Variants in STK36 observed in about 807,000 individuals in gnomAD.
The protein encoded by STK36 is serine/threonine-protein kinase 36.
STK36 carries 116 observed loss-of-function variants against 142.2 expected under a neutral mutation model. That is an observed-to-expected ratio of 0.82 (90% CI 0.70 to 0.95). The LOEUF (loss-of-function observed/expected upper bound fraction) is 0.95, where lower values mean the gene tolerates loss of function less well. Ranked by LOEUF, STK36 falls within the 40% of genes least tolerant of loss-of-function variation. STK36 has a pLI of 0.00. For missense variants in STK36, 1,422 were observed against 1,617.2 expected, an observed-to-expected ratio of 0.88 and a Z score of 2.07; for synonymous variants, 619 against 641.7, an observed-to-expected ratio of 0.96 and a Z score of 0.53.
At chr2:218,680,251 T>C (rs1009590823) in intron 9 of STK36, among the ~76,000 whole-genome samples, 171 bp downstream of exon 9, 4 of 152,192 alleles carry the variant, frequency 2.6e-5, no homozygotes, top group Admixed American at 2.6e-4. Flanking sequence ...GTTTTTCTGA[T>C]TCATCAGGAA....
rs1485730518 is a variant in STK36 at position 218,698,793 on chromosome 2, T to C, written c.3249T>C (p.Ser1083=). ...DQPLLTSDLL[S]LLAHTARVLS... ...CACTGTTGACCTCCGACCTTCTCTC[T>C]CTGCTGGCCCATACTGCCAGGGTCC... The change falls in exon 26 of 27, where the codon TCT becomes TCC. Residue 1083 remains serine, a synonymous_variant. Coordinates refer to ENST00000295709, the MANE Select transcript of STK36 (RefSeq NM_015690.5). 1 of 1,614,220 alleles carries C rather than the reference T, an allele frequency of 6.2e-7. No homozygotes were observed. The highest frequency in any genetic ancestry group is 1.3e-5 in the African/African-American group (1 of 75,068).
At position 218,679,913 on chromosome 2, in the gene STK36, T is replaced by C. The variant is rs780430202; in HGVS notation, c.969T>C (p.Pro323=). The change falls in exon 9 of 27, where the codon CCT becomes CCC. Residue 323 remains proline (P), a synonymous_variant. Coordinates refer to ENST00000295709, the MANE Select transcript of STK36 (RefSeq NM_015690.5). ...AMQKKHQNTG[P]ALEQEDKTSK... ...CACAGAAACATCAGAACACAGGACC[T>C]GCCCTTGAGCAAGAGGACAAGACCA... 19 of 1,613,932 alleles carry C rather than the reference T, an allele frequency of 1.2e-5. No homozygotes were observed. Among genetic ancestry groups the C allele is most frequent in the East Asian group, 2.2e-5 (1 of 44,898 alleles).
intron 26 of STK36, among the ~76,000 whole-genome samples, chr2:218,700,528 A>C (rs1035194324): frequency 2.0e-5 from 3 of 151,556 alleles, no homozygotes; most frequent in East Asian, 4.0e-4. Context: ...CAGCCTCCCA[A>C]GTAGCTGGGA....
intron 10 of STK36, among the ~76,000 whole-genome samples, chr2:218,684,496 C>T (rs1940690924): frequency 7.4e-6 from 1 of 134,806 alleles, no homozygotes; most frequent in Non-Finnish European, 1.5e-5. Context: ...TCTCGGCTCA[C>T]TGCAAACTCT....
intron 22 of STK36, 200 bp downstream of exon 22, chr2:218,696,801 C>T (rs1941249845): frequency 2.2e-6 from 2 of 895,030 alleles, no homozygotes; most frequent in South Asian, 2.6e-5. Flanking sequence ...CCCTGGGATC[C>T]AGTGGGAGAT....
In STK36 at chr2:218,689,876, C is replaced by T. The variant is rs1479228520; in HGVS notation, c.1578C>T (p.Thr526=). 1.2e-6 allele frequency: 2 copies of T among 1,610,222 alleles called. No homozygotes were observed. Among genetic ancestry groups the T allele is most frequent in the South Asian group, 2.2e-5 (2 of 89,984 alleles). ...NSLQQQSWYG[T]FLQDLMAVIQ... ...CTGGGCAGCAATCTTGGTATGGGAC[C>T]TTCTTACAGGACCTGATGGCTGTGA... Residue 526 remains threonine (T), a synonymous_variant, in exon 13 of 27, where the codon ACC becomes ACT. Transcript: ENST00000295709.
At position 218,675,342 on chromosome 2, in the gene STK36, G is replaced by A; in HGVS notation, c.304-1G>A. On this transcript the variant is annotated splice_acceptor_variant, in intron 4 of 26. Transcript: ENST00000295709. LOFTEE classifies it high-confidence loss of function. The stretch of plus-strand genomic sequence containing the variant: ...CTTTCTTCCACCTCTTTAATTTCTA[G>A]GTTCAGGCCATTGCTGCCCAGTTGG... 1 of 1,599,082 alleles carries A rather than the reference G, an allele frequency of 6.3e-7. No homozygotes were observed. The highest frequency in any genetic ancestry group is 8.5e-7 in the Non-Finnish European group (1 of 1,173,308).
At chr2:218,690,675 C>T in intron 14 of STK36, 120 bp downstream of exon 14, 1 of 796,062 alleles carries the variant, frequency 1.3e-6, no homozygotes, top group South Asian at 1.6e-5. Context: ...TTGTTAAATT[C>T]CCACCATGCC....
chr2:218,688,621 A>T, intron 11 of STK36, 76 bp from the exon 12 acceptor site: 2 of 1,496,848 alleles, frequency 1.3e-6, no homozygotes, highest in Non-Finnish European at 9.0e-7. Context: ...CTCCTTGGGG[A>T]TGCTTGGTAT....
At chr2:218,692,027 C>T in intron 14 of STK36, 116 bp from the exon 15 acceptor site, 5 of 1,263,706 alleles carry the variant, frequency 4.0e-6, no homozygotes, top group Non-Finnish European at 5.4e-6. Context: ...TAAAATTAGA[C>T]ATGTGTTTGC....
rs761643552 is a variant in STK36 at position 218,673,866 on chromosome 2, C to T, written c.226-13C>T. ...AATCTGGAGCCATCAGTGCCACTGC[C>T]TTCTCTCTGTAGGTGGTGGTGGTGA... On this transcript the variant is annotated splice_polypyrimidine_tract_variant and intron_variant, in intron 3 of 26. Transcript: ENST00000295709. The T allele has an allele frequency of 4.6e-5, 74 of 1,614,060 alleles. No homozygotes were observed. Among genetic ancestry groups the T allele is most frequent in the Non-Finnish European group, 5.8e-5 (69 of 1,180,038 alleles).
rs374051791 is a variant in STK36 at position 218,698,845 on chromosome 2, C to G, written c.3301C>G (p.Gln1101Glu). Reference protein sequence around the residue: ...VLSPSHLSFIQELLAGSDESY... With the variant: ...VLSPSHLSFIEELLAGSDESY... The stretch of plus-strand genomic sequence containing the variant: ...GTCTCCCAGCCACTTGTCCTTTATC[C>G]AAGAGCTTCTGGCTGGCTCTGATGA... The change falls in exon 26 of 27, where the codon CAA becomes GAA. Residue 1101 changes from glutamine to glutamate, a missense_variant. Coordinates refer to ENST00000295709, the MANE Select transcript of STK36 (RefSeq NM_015690.5). The G allele has an allele frequency of 6.2e-7, 1 of 1,614,234 alleles. No homozygotes were observed. The highest frequency in any genetic ancestry group is 1.1e-5 in the South Asian group (1 of 91,086).
Position 218,676,086 on chromosome 2 carries a change from A to C in STK36, c.492A>C (p.Pro164=). Residue 164 remains proline, a synonymous_variant, in exon 6 of 27, where the codon CCA becomes CCC. Coordinates refer to ENST00000295709, the MANE Select transcript of STK36 (RefSeq NM_015690.5). ...TMVLTSIKGT[P]LYMSPELVEE... ...TGCTGACATCCATCAAAGGCACACC[A>C]CTCTATATGTCTCCAGAGCTGGTGG... 1 of 1,613,910 alleles carries C rather than the reference A, an allele frequency of 6.2e-7. No homozygotes were observed. Among genetic ancestry groups the C allele is most frequent in the Non-Finnish European group, 8.5e-7 (1 of 1,179,976 alleles).
intron 13 of STK36, among the ~76,000 whole-genome samples, chr2:218,690,246 G>GA (rs143461659): frequency 0.025 from 3,801 of 151,890 alleles, 160 homozygotes; most frequent in African/African-American, 0.087. Context: ...AAGAAAGAAA[G>GA]AAAAAAAATA....
chr2:218,672,974 A>G, intron 2 of STK36, 61 bp downstream of exon 2: 1 of 1,451,970 alleles, frequency 6.9e-7, no homozygotes, highest in Non-Finnish European at 9.7e-7. Context: ...CCAGTGGAAA[A>G]TGGATCTAGA....
At chr2:218,682,948 GTCTT>G (rs1027603184) in intron 10 of STK36, among the ~76,000 whole-genome samples, 6 of 152,050 alleles carry the variant, frequency 3.9e-5, no homozygotes, top group African/African-American at 1.4e-4. Flanking sequence ...AACAGTTCTT[GTCTT>G]TCTTTGTATT....
chr2:218,692,266 C>G lies in STK36; in HGVS notation c.1888C>G (p.Pro630Ala). Residue 630 changes from proline to alanine, a missense_variant, in exon 15 of 27, where the codon CCA (proline) becomes GCA (alanine). Around this residue, in one of 2 missense-constraint regions of STK36, gnomAD observed 962 missense variants for 1,167.5 expected, o/e 0.82. Transcript: ENST00000295709. ...LDGLLHGLTV[P>A]QLPVHTPQGA... ...TGGGCTCCTTCATGGCTTGACAGTTCCACAGCTCCCTGTCCACACTCCCCA... is the reference window on the plus strand; with the variant it reads ...TGGGCTCCTTCATGGCTTGACAGTTGCACAGCTCCCTGTCCACACTCCCCA... 1.9e-6 allele frequency: 3 copies of G among 1,614,164 alleles called. No homozygotes were observed. Among genetic ancestry groups the G allele is most frequent in the Non-Finnish European group, 2.5e-6 (3 of 1,180,034 alleles).
intron 10 of STK36, among the ~76,000 whole-genome samples, chr2:218,681,658 G>C (rs1256724779): frequency 6.6e-6 from 1 of 152,164 alleles, no homozygotes; most frequent in Non-Finnish European, 1.5e-5. Context: ...CAGCAGATTG[G>C]GTCATAGTCT....
In STK36 at chr2:218,672,743, G is replaced by A. The variant is rs953839669; in HGVS notation, c.-87G>A. On this transcript the variant is annotated splice_region_variant and 5_prime_UTR_variant, in exon 2 of 27. Coordinates refer to ENST00000295709, the MANE Select transcript of STK36 (RefSeq NM_015690.5). ...TTCCTTTCCCGTGCCCCAACTAGGC[G>A]TCCCAGATGTTGTGGAACTGTCCCT... 23 of 1,347,110 alleles carry A rather than the reference G, an allele frequency of 1.7e-5. No individual in the cohort carries two copies. The highest frequency in any genetic ancestry group is 2.4e-5 in the Non-Finnish European group (23 of 950,686). The allele number at this position is 1,347,110 out of a possible 1,614,324, so 83.4% of individuals were successfully genotyped here. A position where few individuals can be genotyped will look rare whatever the true frequency, so the allele number is the denominator to read the frequency against.
Sources: allele counts gnomAD v4.1 joint callset (sites outside exome capture counted in the v4.1 genomes callset), GRCh38; gene constraint gnomAD v4.1.1; regional missense constraint gnomAD v4.1.1; transcripts MANE v1.5; gene names NCBI Gene and HGNC (gene_info 2026-07-23, HGNC 2026-07-21).